Variants in DYRK4 observed in about 807,000 individuals in gnomAD.
The protein encoded by DYRK4 is dual specificity tyrosine-phosphorylation-regulated kinase 4.
Under a neutral mutation model 68.3 loss-of-function variants are expected in DYRK4, and 64 were observed. That is an observed-to-expected ratio of 0.94 (90% CI 0.77 to 1.15). DYRK4 has a LOEUF of 1.15. DYRK4 is among the 50% of genes most tolerant of loss of function. DYRK4 has a pLI of 0.00. For synonymous variants in DYRK4, 274 were observed against 289.9 expected, an observed-to-expected ratio of 0.95 and a Z score of 0.56; for missense variants, 740 against 764.7, an observed-to-expected ratio of 0.97 and a Z score of 0.38.
chr12:4,573,170 G>A (rs1944750052), intron 2 of DYRK4: 3 of 489,622 alleles, frequency 6.1e-6, no homozygotes, highest in Non-Finnish European at 1.0e-5. Flanking sequence ...AATGATCATT[G>A]CAAGTTAACA....
intron 2 of DYRK4, among the ~76,000 whole-genome samples, chr12:4,575,332 G>A (rs961755844): frequency 5.2e-5 from 3 of 57,772 alleles, no homozygotes; most frequent in African/African-American, 2.0e-4. Context: ...TTTTCGAAAC[G>A]GAGTCTCGCT....
At chr12:4,586,165 G>T (rs1944894322) in intron 2 of DYRK4, among the ~76,000 whole-genome samples, 1 of 152,198 alleles carries the variant, frequency 6.6e-6, no homozygotes, top group African/African-American at 2.4e-5. Flanking sequence ...TGAGGCTGCA[G>T]CCTGGGTAAC....
chr12:4,591,107 C>A lies in DYRK4; in HGVS notation c.325-53C>A. ...CTTTGGTTAAATAAATGGTTTATGG[C>A]CCCCAGGAGAGTCCTAAGTAGTTAT... is the stretch of plus-strand genomic sequence containing the variant. On this transcript the variant is annotated intron_variant, in intron 4 of 14. Transcript: ENST00000543431. This position sits in a 1 kb window ranked among gnomAD's most constrained non-coding sequence, Gnocchi z 4.1. 1 of 1,572,576 alleles carries A rather than the reference C, an allele frequency of 6.4e-7. No homozygotes were observed. Among genetic ancestry groups the A allele is most frequent in the South Asian group, 1.2e-5 (1 of 84,760 alleles).
chr12:4,572,767 G>A (rs1465306207), intron 2 of DYRK4: 1 of 154,292 alleles, frequency 6.5e-6, no homozygotes, highest in Admixed American at 6.4e-5. Context: ...AAGAGAATGT[G>A]AGCTCTCCGG....
chr12:4,573,239 A>T, intron 2 of DYRK4: 1 of 1,078,504 alleles, frequency 9.3e-7, no homozygotes, highest in South Asian at 1.4e-5. Flanking sequence ...CTCAATGAAG[A>T]TAGGCATTTA....
intron 3 of DYRK4, among the ~76,000 whole-genome samples, 195 bp downstream of exon 3, chr12:4,589,212 GT>G (rs1184216522): frequency 6.6e-6 from 1 of 152,060 alleles, no homozygotes; most frequent in African/African-American, 2.4e-5. Context: ...TTTTAAAAAT[GT>G]TTTTATTTTA....
chr12:4,596,726 T>G lies in DYRK4; in HGVS notation c.902T>G (p.Leu301Arg). 1.2e-6 allele frequency: 2 copies of G among 1,613,590 alleles called. No homozygotes were observed. The highest frequency in any genetic ancestry group is 2.2e-5 in the South Asian group (2 of 90,872). Residue 301 changes from leucine to arginine, a missense_variant, in exon 8 of 15, where the codon CTG (leucine) becomes CGG (arginine). Around this residue, in one of 3 missense-constraint regions of DYRK4, gnomAD observed 614 missense variants for 603.7 expected, o/e 1.02. Coordinates refer to ENST00000543431, the MANE Select transcript of DYRK4 (RefSeq NM_001394779.1). The part of the protein sequence containing the change: ...RNHFCITFEL[L>R]GINLYELMKN... ...CACTTCTGCATCACCTTTGAGCTCCTGGGGTCAGCTGCCTTTTCTTCTTAA... is the reference window on the plus strand; with the variant it reads ...CACTTCTGCATCACCTTTGAGCTCCGGGGGTCAGCTGCCTTTTCTTCTTAA...
chr12:4,608,482 G>T (rs896452507), intron 12 of DYRK4, among the ~76,000 whole-genome samples: 1 of 152,154 alleles, frequency 6.6e-6, no homozygotes, highest in Admixed American at 6.5e-5. Flanking sequence ...AGGATAAAAG[G>T]GTTTGGGTCA....
intron 12 of DYRK4, among the ~76,000 whole-genome samples, chr12:4,608,867 G>A (rs1239252022): frequency 6.6e-6 from 1 of 152,204 alleles, no homozygotes; most frequent in Non-Finnish European, 1.5e-5. Context: ...CGAGCAATCT[G>A]GCGGTAGGCA....
intron 2 of DYRK4, among the ~76,000 whole-genome samples, chr12:4,577,261 G>C (rs1320495002): frequency 6.6e-6 from 1 of 152,082 alleles, no homozygotes; most frequent in Admixed American, 6.6e-5. Flanking sequence ...TTTTTAATAA[G>C]TCTTGCTACA....
Position 4,597,937 on chromosome 12 carries a change from G to A in DYRK4, c.906-1091G>A, listed in dbSNP as rs145466591. 6.4e-4 allele frequency among the ~76,000 whole-genome samples: 97 copies of A among 152,170 alleles called. No individual in the cohort carries two copies. In the East Asian group the frequency reaches 0.013, roughly 20 times the overall value. ...TAAAAATAGCCGGGCGTGGTGGTGC[G>A]TGCCTGTAATCCCAGCTACTTGAGA... On this transcript the variant is annotated intron_variant, in intron 8 of 14. Coordinates refer to ENST00000543431, the MANE Select transcript of DYRK4 (RefSeq NM_001394779.1).
chr12:4,599,463 G>C (rs1211007633), intron 9 of DYRK4, among the ~76,000 whole-genome samples: 2 of 152,060 alleles, frequency 1.3e-5, no homozygotes, highest in Non-Finnish European at 2.9e-5. Context: ...TAGGGGGAAA[G>C]TGACAAATAT....
chr12:4,580,941 C>T, intron 2 of DYRK4: 1 of 452,332 alleles, frequency 2.2e-6, no homozygotes, highest in South Asian at 1.6e-5. Context: ...CTGAGGCCTG[C>T]AGAGAGTCCA....
At chr12:4,608,097 G>A (rs1591808640) in intron 12 of DYRK4, among the ~76,000 whole-genome samples, 3 of 152,252 alleles carry the variant, frequency 2.0e-5, no homozygotes, top group South Asian at 2.1e-4. Flanking sequence ...GGCTTTCAAC[G>A]TACACGCACC....
chr12:4,593,769 G>A (rs1165693705), intron 6 of DYRK4, among the ~76,000 whole-genome samples: 1 of 152,206 alleles, frequency 6.6e-6, no homozygotes, highest in African/African-American at 2.4e-5. Context: ...TGAGCATGTT[G>A]GGATGTGTGC....
At position 4,596,016 on chromosome 12, in the gene DYRK4, A is replaced by G. The variant is rs1213060556; in HGVS notation, c.628-133A>G. The G allele has an allele frequency of 1.9e-5, 18 of 952,212 alleles. 1 individual carries two copies. In the South Asian group the frequency reaches 2.9e-4, roughly 15 times the overall value. The allele number at this position is 952,212 out of a possible 1,614,324, so 59.0% of individuals were successfully genotyped here. A position where few individuals can be genotyped will look rare whatever the true frequency, so the allele number is the denominator to read the frequency against. On this transcript the variant is annotated intron_variant, in intron 6 of 14. Transcript: ENST00000543431. ...GCAATGAGATGAGGGCGAGAGTCGC[A>G]CAAGTGCCCAGTGTAGTTAGAAAAT...
intron 13 of DYRK4, 197 bp downstream of exon 13, chr12:4,610,481 A>G: frequency 2.1e-6 from 1 of 481,302 alleles, no homozygotes; most frequent in Non-Finnish European, 3.5e-6. Context: ...TGTGGTTGTC[A>G]GGGCAGATGA....
At chr12:4,590,711 A>G in intron 4 of DYRK4, 1 of 553,210 alleles carries the variant, frequency 1.8e-6, no homozygotes, top group Non-Finnish European at 2.7e-6. Flanking sequence ...GTGGAACCAT[A>G]CAAAATATTA....
intron 2 of DYRK4, among the ~76,000 whole-genome samples, chr12:4,586,707 C>T (rs1443411742): frequency 1.2e-5 from 1 of 86,454 alleles, no homozygotes; most frequent in Non-Finnish European, 2.7e-5. Context: ...GGGCTGCGTA[C>T]ACACACACAC....
Sources: gnomAD v4.1 joint callset for allele counts (sites outside exome capture counted in the v4.1 genomes callset) on GRCh38, gnomAD v4.1.1 for gene constraint, gnomAD v4.1.1 regional missense constraint, Gnocchi (gnomAD v3.1) non-coding constraint, MANE v1.5 for transcripts, NCBI Gene and HGNC (gene_info 2026-07-23, HGNC 2026-07-21) for gene names.